Variants in LPIN2 observed in about 807,000 individuals in gnomAD.
LPIN2 encodes lipin 2, also known as phosphatidate phosphatase LPIN2.
In LPIN2, 55 loss-of-function variants were observed where a neutral mutation model predicts 111.4. That is an observed-to-expected ratio of 0.49 (90% confidence interval 0.40 to 0.62). The LOEUF (loss-of-function observed/expected upper bound fraction) is 0.62, where lower values mean the gene tolerates loss of function less well. Among genes scored for constraint, LPIN2 ranks in the 20% least tolerant of loss-of-function variants. The probability of loss-of-function intolerance (pLI) is 0.00; values close to 1 mark genes in which losing one functional copy is unlikely to be tolerated. For synonymous variants in LPIN2, 425 were observed against 414.0 expected (o/e 1.03, Z -0.32); for missense variants, 992 against 1,112.1 (o/e 0.89, Z 1.54).
At chr18:2,955,874 C>T (rs1000356108) in intron 2 of LPIN2, among the ~76,000 whole-genome samples, 11 of 152,072 alleles carry the variant, frequency 7.2e-5, no homozygotes, top group African/African-American at 2.7e-4. Context: ...GAGATCACGC[C>T]ATTGCACTCC....
intron 2 of LPIN2, among the ~76,000 whole-genome samples, chr18:2,957,730 G>A (rs2077634341): frequency 6.6e-6 from 1 of 152,268 alleles, no homozygotes; most frequent in East Asian, 1.9e-4. Flanking sequence ...AGAAGTGGAA[G>A]CAGAGAGCAG....
chr18:2,956,276 C>T (rs986459034), intron 2 of LPIN2, among the ~76,000 whole-genome samples: 2 of 140,746 alleles, frequency 1.4e-5, no homozygotes. Context: ...TGGAGGAACC[C>T]GTGTGCCCTC....
intron 4 of LPIN2, among the ~76,000 whole-genome samples, chr18:2,943,896 A>G (rs2077404482): frequency 6.6e-6 from 1 of 152,238 alleles, no homozygotes; most frequent in African/African-American, 2.4e-5. Flanking sequence ...TAATGGTAGT[A>G]GAATGATATA....
intron 12 of LPIN2, 103 bp downstream of exon 12, chr18:2,927,619 C>A: frequency 8.3e-7 from 1 of 1,210,716 alleles, no homozygotes; most frequent in Non-Finnish European, 1.2e-6. Context: ...GGTAAAATAG[C>A]CCTATACAGT....
Position 2,925,444 on chromosome 18 carries a change from A to G in LPIN2, c.1794-76T>C. Reference sequence around the variant, plus strand: ...TGAGAGCTTTTCATTTAGGATCAAGAAAATAAAGATATCCTAAATCTTTTC... The same window carrying G: ...TGAGAGCTTTTCATTTAGGATCAAGGAAATAAAGATATCCTAAATCTTTTC... On this transcript the variant is annotated intron_variant, in intron 13 of 19. Transcript: ENST00000677752. The surrounding 1 kb of genome is among the most constrained non-coding windows in gnomAD (Gnocchi z 4.1). The G allele has an allele frequency of 6.3e-7, 1 of 1,584,026 alleles. No homozygotes were observed. The highest frequency in any genetic ancestry group is 8.7e-7 in the Non-Finnish European group (1 of 1,154,998).
chr18:2,970,291 C>T (rs1381833748), intron 1 of LPIN2, among the ~76,000 whole-genome samples: 1 of 152,210 alleles, frequency 6.6e-6, no homozygotes. Flanking sequence ...CAAGGGTGGG[C>T]CCCCAGTAGC....
chr18:2,961,768 C>G (rs1423817254), intron 1 of LPIN2, among the ~76,000 whole-genome samples: 1 of 152,118 alleles, frequency 6.6e-6, no homozygotes, highest in Non-Finnish European at 1.5e-5. Context: ...TGCTGACACC[C>G]CTAATATTAT....
At chr18:3,005,038 T>C (rs988321229) in intron 1 of LPIN2, among the ~76,000 whole-genome samples, 4 of 152,202 alleles carry the variant, frequency 2.6e-5, no homozygotes, top group East Asian at 1.9e-4. Context: ...TACCAATTTA[T>C]AGATGCTGAC....
At chr18:2,922,271 AC>A in intron 16 of LPIN2, 72 bp from the exon 17 acceptor site, 4 of 1,511,846 alleles carry the variant, frequency 2.6e-6, no homozygotes, top group Non-Finnish European at 3.6e-6. Context: ...CAAAAAAAAA[AC>A]CCCACACTTT....
intron 4 of LPIN2, chr18:2,946,500 G>A (rs576165260): frequency 4.0e-5 from 62 of 1,564,334 alleles, no homozygotes; most frequent in East Asian, 2.7e-4. Context: ...GGATCGAAGC[G>A]CTGACCGCAG....
At chr18:2,924,207 C>G (rs577494784) in intron 15 of LPIN2, among the ~76,000 whole-genome samples, 191 bp downstream of exon 15, 1 of 152,088 alleles carries the variant, frequency 6.6e-6, no homozygotes, top group African/African-American at 2.4e-5. Flanking sequence ...TGTTATGCAC[C>G]CTCACCATCT....
intron 3 of LPIN2, 55 bp downstream of exon 3, chr18:2,954,449 C>T (rs773042448): frequency 2.5e-5 from 32 of 1,288,266 alleles, no homozygotes; most frequent in South Asian, 3.5e-5. Flanking sequence ...GTCTGGGCCA[C>T]GTACCAGAGG....
chr18:2,957,975 C>G (rs1055225461), intron 2 of LPIN2, among the ~76,000 whole-genome samples: 1 of 151,124 alleles, frequency 6.6e-6, no homozygotes, highest in South Asian at 2.1e-4. Flanking sequence ...AACCCCATCT[C>G]TACTAAAAAC....
At position 2,954,534 on chromosome 18, in the gene LPIN2, A is replaced by C. The variant is rs751149031; in HGVS notation, c.258T>G (p.Ala86=). The C allele has an allele frequency of 2.5e-6, 4 of 1,614,000 alleles. No homozygotes were observed. In the East Asian group the frequency reaches 8.9e-5, roughly 36 times the overall value. Residue 86 remains alanine, a synonymous_variant, in exon 3 of 20, where the codon GCT becomes GCG. Coordinates refer to ENST00000677752, the MANE Select transcript of LPIN2 (RefSeq NM_001375808.2). ...LHMKLGDNGE[A]FFVEETEEEY... ...CTTCTTCAGTCTCCTCAACAAAGAA[A>C]GCTTCTCCGTTATCACCCAACTTCA...
intron 1 of LPIN2, among the ~76,000 whole-genome samples, chr18:3,002,578 T>G (rs2078450304): frequency 1.3e-5 from 2 of 152,212 alleles, no homozygotes; most frequent in Admixed American, 6.5e-5. Context: ...TGGAAAAATC[T>G]TAAGGATTAC....
chr18:3,007,496 A>C (rs930797698), intron 1 of LPIN2, among the ~76,000 whole-genome samples: 1 of 152,246 alleles, frequency 6.6e-6, no homozygotes, highest in African/African-American at 2.4e-5. Flanking sequence ...ATTTTAAAAA[A>C]TACTGTTAAA....
At chr18:2,921,226 G>A (rs2144114554) in intron 18 of LPIN2, 1 of 550,944 alleles carries the variant, frequency 1.8e-6, no homozygotes, top group South Asian at 2.0e-5. Flanking sequence ...CTGGCTCTGG[G>A]GTGATCCAAG....
Position 2,997,545 on chromosome 18 carries a change from T to C in LPIN2, c.-10+15542A>G, listed in dbSNP as rs183544999. Among the ~76,000 whole-genome samples the C allele has an allele frequency of 1.1e-4, 17 of 152,340 alleles. No homozygotes were observed. The East Asian group carries it at 3.3e-3, about 29-fold the overall frequency. ...GGCCACTATGCCTATAACTCTGCAG[T>C]GTGCCACAATGAAACCAAGACAGTG... On this transcript the variant is annotated intron_variant, in intron 1 of 19. Transcript: ENST00000677752.
At chr18:2,984,057 C>T (rs935589729) in intron 1 of LPIN2, among the ~76,000 whole-genome samples, 1 of 152,144 alleles carries the variant, frequency 6.6e-6, no homozygotes, top group African/African-American at 2.4e-5. Context: ...CACATTAAAC[C>T]CTTTTCTCTG....
Sources: allele counts gnomAD v4.1 joint callset (sites outside exome capture counted in the v4.1 genomes callset), GRCh38; gene constraint gnomAD v4.1.1; non-coding constraint Gnocchi (gnomAD v3.1); transcripts MANE v1.5; gene names NCBI Gene and HGNC (gene_info 2026-07-23, HGNC 2026-07-21).